Variants in CLEC17A observed in about 807,000 individuals in gnomAD.
CLEC17A encodes C-type lectin domain family 17, member A.
A neutral mutation model predicts 61.3 loss-of-function variants in CLEC17A; 37 were observed. That is an observed-to-expected ratio of 0.60 (90% confidence interval 0.46 to 0.79). CLEC17A has a LOEUF of 0.79. Ranked by LOEUF, CLEC17A falls within the 30% of genes least tolerant of loss-of-function variation. The pLI is 0.00. For synonymous variants in CLEC17A, 168 were observed against 164.9 expected (o/e 1.02, Z -0.14); for missense variants, 418 against 464.7 (o/e 0.90, Z 0.92).
rs575738636 is a variant in CLEC17A, at chr19:14,611,847, C to T, written c.*1651C>T. Among the ~76,000 whole-genome samples the T allele has an allele frequency of 6.6e-6, 1 of 151,870 alleles. No individual in the cohort carries two copies. Among genetic ancestry groups the T allele is most frequent in the African/African-American group, 2.4e-5 (1 of 41,438 alleles). On this transcript the variant is annotated 3_prime_UTR_variant, in exon 14 of 14. Transcript: ENST00000417570. The stretch of plus-strand genomic sequence containing the variant: ...TAAAATCCTATCTCTACTAAAAATA[C>T]AAAAAAATTAGCTGGGCGTGGTGGC...
At chr19:14,588,153 A>G (rs1308836050) in intron 3 of CLEC17A, among the ~76,000 whole-genome samples, 1 of 151,940 alleles carries the variant, frequency 6.6e-6, no homozygotes, top group Non-Finnish European at 1.5e-5. Context: ...AACCCAAGGC[A>G]TGGTACAGGG....
chr19:14,599,114 G>A (rs1326264195), intron 10 of CLEC17A, among the ~76,000 whole-genome samples: 1 of 94,328 alleles, frequency 1.1e-5, no homozygotes, highest in African/African-American at 4.2e-5. Flanking sequence ...TTGAGATGAA[G>A]TCTCACTCTC....
chr19:14,600,004 C>G (rs2074664769), intron 11 of CLEC17A, 27 bp from the exon 12 acceptor site: 2 of 1,611,064 alleles, frequency 1.2e-6, no homozygotes, highest in African/African-American at 2.7e-5. Context: ...CTGGGGCCAT[C>G]CTGACAGCAT....
intron 12 of CLEC17A, among the ~76,000 whole-genome samples, chr19:14,600,623 C>T (rs2074680950): frequency 6.6e-6 from 1 of 151,680 alleles, no homozygotes; most frequent in Admixed American, 6.6e-5. Context: ...GCTCTTTCAC[C>T]CAGGCTGGAG....
In CLEC17A at chr19:14,583,173, T is replaced by A; in HGVS notation, c.13T>A (p.Tyr5Asn). MHNL[Y>N]SITGYPDPPG... ...CCCTGTGCTAGACATGCATAATCTGTATTCCATCACTGGGTACCCGGACCC... is the reference window on the plus strand; with the variant it reads ...CCCTGTGCTAGACATGCATAATCTGAATTCCATCACTGGGTACCCGGACCC... Residue 5 changes from tyrosine (Y) to asparagine (N), a missense_variant, in exon 1 of 14, where the codon TAT becomes AAT. By Grantham distance (143) the Tyr-to-Asn change is moderately radical. Coordinates refer to ENST00000417570, the MANE Select transcript of CLEC17A (RefSeq NM_001204118.2). 1 of 1,614,014 alleles carries A rather than the reference T, an allele frequency of 6.2e-7. No individual in the cohort carries two copies. Among genetic ancestry groups the A allele is most frequent in the Non-Finnish European group, 8.5e-7 (1 of 1,179,886 alleles).
At chr19:14,598,663 TG>T (rs1245541110) in intron 10 of CLEC17A, among the ~76,000 whole-genome samples, 2 of 151,958 alleles carry the variant, frequency 1.3e-5, no homozygotes, top group African/African-American at 4.8e-5. Flanking sequence ...TTAGTAGAGA[TG>T]GGGTTTCACC....
At chr19:14,607,395 G>A (rs982016812) in intron 13 of CLEC17A, among the ~76,000 whole-genome samples, 3 of 151,562 alleles carry the variant, frequency 2.0e-5, no homozygotes, top group Non-Finnish European at 2.9e-5. Context: ...AGTAGAGACG[G>A]GGTTTCACCG....
In CLEC17A at chr19:14,611,602, G is replaced by A. The variant is rs917561713; in HGVS notation, c.*1406G>A. ...AAAAGCAAGACCCCTACATAGTGTG[G>A]CCAGGCAGGCCATAACCTGGTCATA... On this transcript the variant is annotated 3_prime_UTR_variant, in exon 14 of 14. Coordinates refer to ENST00000417570, the MANE Select transcript of CLEC17A (RefSeq NM_001204118.2). 1.3e-4 allele frequency among the ~76,000 whole-genome samples: 20 copies of A among 152,124 alleles called. No homozygotes were observed. Among genetic ancestry groups the A allele is most frequent in the African/African-American group, 4.3e-4 (18 of 41,534 alleles).
intron 2 of CLEC17A, chr19:14,584,017 G>T (rs934947916): frequency 3.3e-5 from 5 of 153,114 alleles, no homozygotes; most frequent in Middle Eastern, 3.2e-3. Flanking sequence ...GATCGCTTGA[G>T]GACAGGAATT....
intron 13 of CLEC17A, among the ~76,000 whole-genome samples, chr19:14,608,660 G>C (rs975208260): frequency 5.9e-5 from 8 of 135,886 alleles, no homozygotes; most frequent in African/African-American, 2.2e-4. Context: ...TTGAGACAGA[G>C]TCTCACTCTG....
chr19:14,586,599 A>T (rs1183386457), intron 2 of CLEC17A, among the ~76,000 whole-genome samples: 3 of 149,462 alleles, frequency 2.0e-5, no homozygotes, highest in Admixed American at 6.7e-5. Context: ...TTTTTTCTAA[A>T]TTTTTTTTAC....
chr19:14,600,166 A>C lies in CLEC17A; in HGVS notation c.878A>C (p.Asn293Thr). 8 of 1,614,026 alleles carry C rather than the reference A, an allele frequency of 5.0e-6. No individual in the cohort carries two copies. The highest frequency in any genetic ancestry group is 6.8e-6 in the Non-Finnish European group (8 of 1,179,888). The part of the protein sequence containing the change: ...QENYSHLVII[N>T]SFAEHNFVAK... ...AATTACTCTCACTTGGTCATCATCA[A>C]TAGCTTTGCTGAGCACGTGAGTTCT... The change falls in exon 12 of 14, where the codon AAT becomes ACT. Residue 293 changes from asparagine (N) to threonine (T), a missense_variant. Coordinates refer to ENST00000417570, the MANE Select transcript of CLEC17A (RefSeq NM_001204118.2).
intron 3 of CLEC17A, among the ~76,000 whole-genome samples, chr19:14,591,028 C>T (rs71334728): frequency 6.6e-6 from 1 of 151,960 alleles, no homozygotes; most frequent in East Asian, 1.9e-4. Flanking sequence ...GGTTTATTGT[C>T]TCTCTGGTCT....
At chr19:14,581,406 C>CTCCG (rs755576314), upstream of CLEC17A, among the ~76,000 whole-genome samples, 72 of 152,166 alleles carry the variant, frequency 4.7e-4, no homozygotes, top group Non-Finnish European at 9.1e-4. Flanking sequence ...TCACTGCAGC[C>CTCCG]TCCGCCTCCC....
chr19:14,610,325 C>T lies in CLEC17A; in HGVS notation c.*129C>T, dbSNP rs2075017528. The T allele has an allele frequency of 1.5e-6, 2 of 1,314,710 alleles. No individual in the cohort carries two copies. Among genetic ancestry groups the T allele is most frequent in the Non-Finnish European group, 2.1e-6 (2 of 971,316 alleles). The allele number at this position is 1,314,710 out of a possible 1,614,324, so 81.4% of individuals were successfully genotyped here. On this transcript the variant is annotated 3_prime_UTR_variant, in exon 14 of 14. Transcript: ENST00000417570. ...ATGTGCCTCAAACAGGATTGGCACCCTGGATGCAGCAAGTTCCCAGGGGTG... is the reference window on the plus strand; with the variant it reads ...ATGTGCCTCAAACAGGATTGGCACCTTGGATGCAGCAAGTTCCCAGGGGTG...
chr19:14,592,336 C>T lies in CLEC17A; in HGVS notation c.255C>T (p.Tyr85=). 1 of 1,604,896 alleles carries T rather than the reference C, an allele frequency of 6.2e-7. No homozygotes were observed. The highest frequency in any genetic ancestry group is 8.5e-7 in the Non-Finnish European group (1 of 1,175,626). Residue 85 remains tyrosine, a synonymous_variant, in exon 4 of 14, where the codon TAC becomes TAT. Transcript: ENST00000417570. ...DDDYENSTPP[Y]KDLPPKPGSS... ...ACTATGAGAACTCAACACCTCCCTA[C>T]AAGGACCTTCCTCCCAAGCCAGGTA...
chr19:14,592,457 G>A, intron 4 of CLEC17A, 99 bp downstream of exon 4: 3 of 1,563,240 alleles, frequency 1.9e-6, no homozygotes, highest in Non-Finnish European at 2.6e-6. Context: ...AGTCTCCTCT[G>A]TATCCAGCCC....
chr19:14,582,494 G>A (rs1231643115), upstream of CLEC17A, among the ~76,000 whole-genome samples: 2 of 152,136 alleles, frequency 1.3e-5, no homozygotes, highest in Non-Finnish European at 2.9e-5. Context: ...TTACAGGCGT[G>A]AGCCACGATG....
intron 3 of CLEC17A, among the ~76,000 whole-genome samples, chr19:14,591,348 G>A (rs1180078040): frequency 6.6e-6 from 1 of 151,534 alleles, no homozygotes; most frequent in Non-Finnish European, 1.5e-5. Context: ...TAGAGACAGG[G>A]TTTCACCATG....
Sources: gnomAD v4.1 joint callset for allele counts (sites outside exome capture counted in the v4.1 genomes callset) on GRCh38, gnomAD v4.1.1 for gene constraint, MANE v1.5 for transcripts, NCBI Gene and HGNC (gene_info 2026-07-23, HGNC 2026-07-21) for gene names.